The following ONECUT3 variants were observed in gnomAD, a reference collection of about 807,000 sequenced individuals.
The protein encoded by ONECUT3 is one cut domain family member 3.
ONECUT3 carries 11 observed loss-of-function variants against 16.8 expected under a neutral mutation model. That is an observed-to-expected ratio of 0.66 (90% CI 0.41 to 1.09). ONECUT3 has a LOEUF of 1.09. Ranked by LOEUF, ONECUT3 falls within the 50% of genes least tolerant of loss-of-function variation. ONECUT3 has a pLI of 0.00. For synonymous variants in ONECUT3, 344 were observed against 310.7 expected, an observed-to-expected ratio of 1.11 and a Z score of -1.13; for missense variants, 637 against 629.9, an observed-to-expected ratio of 1.01 and a Z score of -0.12.
intron 1 of ONECUT3, among the ~76,000 whole-genome samples, chr19:1,757,705 G>A (rs1269176742): frequency 6.6e-6 from 1 of 152,234 alleles, no homozygotes; most frequent in Non-Finnish European, 1.5e-5. Flanking sequence ...AGGGCCGCGG[G>A]GTCACTAGGC....
chr19:1,759,173 C>T lies in ONECUT3; in HGVS notation c.1192+4319C>T, dbSNP rs1222228947. Among the ~76,000 whole-genome samples the T allele has an allele frequency of 6.6e-6, 1 of 152,094 alleles. No homozygotes were observed. Reference sequence around the variant, plus strand: ...CCAGAGCTGTGTATGGAGTTGCATGCTGAGGGCAGCTGGTGCAGGAATTGG... The same window carrying T: ...CCAGAGCTGTGTATGGAGTTGCATGTTGAGGGCAGCTGGTGCAGGAATTGG... On this transcript the variant is annotated intron_variant, in intron 1 of 1. Coordinates refer to ENST00000382349, the MANE Select transcript of ONECUT3 (RefSeq NM_001080488.2). This position sits in a 1 kb window ranked among gnomAD's most constrained non-coding sequence, Gnocchi z 4.1.
intron 1 of ONECUT3, among the ~76,000 whole-genome samples, chr19:1,774,237 C>T (rs1462589253): frequency 6.6e-6 from 1 of 151,982 alleles, no homozygotes; most frequent in Non-Finnish European, 1.5e-5. Context: ...TCACAGGGTC[C>T]CTAAGGGTAT....
Position 1,769,847 on chromosome 19 carries a change from G to A in ONECUT3, c.1193-5306G>A, listed in dbSNP as rs368600985. On this transcript the variant is annotated intron_variant, in intron 1 of 1. Coordinates refer to ENST00000382349, the MANE Select transcript of ONECUT3 (RefSeq NM_001080488.2). ...CTCTTTTTGCTGCAATCGACAAAAC[G>A]GGAAGTTTTTTCAGACTCTGCCTGG... Among the ~76,000 whole-genome samples the A allele has an allele frequency of 3.9e-5, 6 of 152,094 alleles. No individual in the cohort carries two copies. In the East Asian group the frequency reaches 9.6e-4, roughly 24 times the overall value.
intron 1 of ONECUT3, among the ~76,000 whole-genome samples, chr19:1,757,589 G>A (rs1190722236): frequency 3.3e-5 from 5 of 151,950 alleles, no homozygotes; most frequent in East Asian, 1.9e-4. Flanking sequence ...CCCCGCGGCC[G>A]CGGGGTTCAC....
At chr19:1,763,815 C>T (rs1179086545) in intron 1 of ONECUT3, among the ~76,000 whole-genome samples, 3 of 150,948 alleles carry the variant, frequency 2.0e-5, no homozygotes, top group Non-Finnish European at 4.4e-5. Context: ...AAGCGCGCAT[C>T]CTGGTCATTT....
Position 1,779,104 on chromosome 19 carries a change from C to T in ONECUT3, c.*3659C>T, listed in dbSNP as rs979618954. ...CAGCACAATTCCTTCGAGCCTTTGA[C>T]AATTTTCTCTGAAATACCTCAAAAT... On this transcript the variant is annotated 3_prime_UTR_variant, in exon 2 of 2. Transcript: ENST00000382349. 9.9e-5 allele frequency: 15 copies of T among 152,060 alleles called. No homozygotes were observed. Among genetic ancestry groups the T allele is most frequent in the African/African-American group, 3.1e-4 (13 of 41,396 alleles). The allele number at this position is 152,060 out of a possible 1,614,324, so 9.4% of individuals were successfully genotyped here. A position where few individuals can be genotyped will look rare whatever the true frequency, so the allele number is the denominator to read the frequency against.
intron 1 of ONECUT3, among the ~76,000 whole-genome samples, chr19:1,769,809 G>T (rs1043326445): frequency 6.6e-6 from 1 of 152,106 alleles, no homozygotes; most frequent in Admixed American, 6.5e-5. Flanking sequence ...GCCGGGAAGG[G>T]GGGCAGCAGA....
Position 1,761,373 on chromosome 19 carries a change from G to A in ONECUT3, c.1192+6519G>A, listed in dbSNP as rs142080218. Among the ~76,000 whole-genome samples, 853 of 152,174 alleles carry A rather than the reference G, an allele frequency of 5.6e-3. 14 individuals carry two copies. Among genetic ancestry groups the A allele is most frequent in the African/African-American group, 0.019 (809 of 41,516 alleles). Reference sequence around the variant, plus strand: ...CAGCCTTCTCCTCCTTCTCACTGCCGTCTCCCCCACATCCTAAGGGAGCTT... The same window carrying A: ...CAGCCTTCTCCTCCTTCTCACTGCCATCTCCCCCACATCCTAAGGGAGCTT... On this transcript the variant is annotated intron_variant, in intron 1 of 1. Transcript: ENST00000382349.
In ONECUT3 at chr19:1,754,608, G is replaced by A. The variant is rs1285365580; in HGVS notation, c.946G>A (p.Ala316Thr). Residue 316 changes from alanine to threonine, a missense_variant, in exon 1 of 2, where the codon GCA becomes ACA. By Grantham distance (58) the Ala-to-Thr change is moderately conservative. Transcript: ENST00000382349. This position sits in a 1 kb window ranked among gnomAD's most constrained non-coding sequence, Gnocchi z 7.4. ...GAGCGGCGGCGGCCCCAGCGCGGGC[G>A]CAGCGGCCGAGGAGATCAACACCAA... Reference protein sequence around the residue: ...GGSGGGPSAGAAAEEINTKEV... With the variant: ...GGSGGGPSAGTAAEEINTKEV... 20 of 1,374,902 alleles carry A rather than the reference G, an allele frequency of 1.5e-5. No homozygotes were observed. Among genetic ancestry groups the A allele is most frequent in the East Asian group, 1.3e-4 (4 of 31,492 alleles). 85.2% of individuals were successfully genotyped at this position (1,374,902 alleles called of 1,614,324 possible).
intron 1 of ONECUT3, among the ~76,000 whole-genome samples, chr19:1,768,479 C>T (rs922675458): frequency 2.6e-5 from 4 of 152,136 alleles, no homozygotes; most frequent in African/African-American, 9.7e-5. Flanking sequence ...GGCGCACTGT[C>T]TTTACAAAGG....
chr19:1,753,540 C>T lies in ONECUT3; in HGVS notation c.-123C>T, dbSNP rs1236883284. On this transcript the variant is annotated 5_prime_UTR_variant, in exon 1 of 2. Transcript: ENST00000382349. ...TGGCCGCGCTCGCAGCCGGGCCGGG[C>T]CGTGCGCCGCGCAGCCTGGCAGCCT... 27 of 287,178 alleles carry T rather than the reference C, an allele frequency of 9.4e-5. No individual in the cohort carries two copies. The highest frequency in any genetic ancestry group is 1.6e-3 in the Middle Eastern group (1 of 630). The allele number at this position is 287,178 out of a possible 1,614,324, so 17.8% of individuals were successfully genotyped here.
rs1049154681 is a variant in ONECUT3 at position 1,777,241 on chromosome 19, C to T, written c.*1796C>T. On this transcript the variant is annotated 3_prime_UTR_variant, in exon 2 of 2. Transcript: ENST00000382349. ...GGGGGTTCCCAATAGTAGAAAGGGT[C>T]CCCATTCCTGCTCAGCACCGCACCT... 2 of 152,306 alleles carry T rather than the reference C, an allele frequency of 1.3e-5. No homozygotes were observed. Among genetic ancestry groups the T allele is most frequent in the African/African-American group, 2.4e-5 (1 of 41,434 alleles). The allele number at this position is 152,306 out of a possible 1,614,324, so 9.4% of individuals were successfully genotyped here.
At chr19:1,771,373 G>A (rs1174841118) in intron 1 of ONECUT3, among the ~76,000 whole-genome samples, 1 of 152,166 alleles carries the variant, frequency 6.6e-6, no homozygotes, top group Non-Finnish European at 1.5e-5. Flanking sequence ...CTGAGAAAGG[G>A]TATGTGGGAA....
In ONECUT3 at chr19:1,759,330, T is replaced by A. The variant is rs2067933961; in HGVS notation, c.1192+4476T>A. Among the ~76,000 whole-genome samples the A allele has an allele frequency of 6.6e-6, 1 of 151,652 alleles. No individual in the cohort carries two copies. Among genetic ancestry groups the A allele is most frequent in the African/African-American group, 2.4e-5 (1 of 41,200 alleles). ...TCATACAGGCCCTCCCTCCCCGGCT[T>A]CTCCCCCCTACCCGCTGCCACCATC... On this transcript the variant is annotated intron_variant, in intron 1 of 1. Transcript: ENST00000382349. This position sits in a 1 kb window ranked among gnomAD's most constrained non-coding sequence, Gnocchi z 4.1.
At position 1,763,684 on chromosome 19, in the gene ONECUT3, T is replaced by G. The variant is rs2067960080; in HGVS notation, c.1192+8830T>G. Among the ~76,000 whole-genome samples the G allele has an allele frequency of 2.0e-5, 3 of 151,922 alleles. No homozygotes were observed. The South Asian group carries it at 6.2e-4, about 32-fold the overall frequency. ...AATCACAGTCTGTATTTCTCCTTCT[T>G]GCAAAAGGCTGCGCTCCAGGGATAA... On this transcript the variant is annotated intron_variant, in intron 1 of 1. Coordinates refer to ENST00000382349, the MANE Select transcript of ONECUT3 (RefSeq NM_001080488.2).
chr19:1,759,974 C>A lies in ONECUT3; in HGVS notation c.1192+5120C>A, dbSNP rs1002828105. 1.8e-4 allele frequency among the ~76,000 whole-genome samples: 27 copies of A among 152,210 alleles called. No individual in the cohort carries two copies. Among genetic ancestry groups the A allele is most frequent in the African/African-American group, 6.5e-4 (27 of 41,456 alleles). On this transcript the variant is annotated intron_variant, in intron 1 of 1. Transcript: ENST00000382349. The surrounding 1 kb of genome is among the most constrained non-coding windows in gnomAD (Gnocchi z 4.1). ...CAAAACTTCAGGGCCCGGGGAGGAG[C>A]AGCCCTAGCTAGGGACCTGGGCCAG... is the stretch of plus-strand genomic sequence containing the variant.
rs928538954 is a variant in ONECUT3 at position 1,766,141 on chromosome 19, G to C, written c.1193-9012G>C. Among the ~76,000 whole-genome samples the C allele has an allele frequency of 1.3e-5, 2 of 152,250 alleles. No homozygotes were observed. Among genetic ancestry groups the C allele is most frequent in the Non-Finnish European group, 2.9e-5 (2 of 68,044 alleles). ...CTTGGGTGGGGTTTGGATGTGCAAG[G>C]CTGCCGACCCCCATCGTGGTTGAGC... On this transcript the variant is annotated intron_variant, in intron 1 of 1. Coordinates refer to ENST00000382349, the MANE Select transcript of ONECUT3 (RefSeq NM_001080488.2). The surrounding 1 kb of genome is among the most constrained non-coding windows in gnomAD (Gnocchi z 4.0).
rs1438354580 is a variant in ONECUT3, at chr19:1,779,426, A to G, written c.*3981A>G. 2.0e-5 allele frequency: 3 copies of G among 151,994 alleles called. No individual in the cohort carries two copies. Among genetic ancestry groups the G allele is most frequent in the Admixed American group, 6.6e-5 (1 of 15,254 alleles). The allele number at this position is 151,994 out of a possible 1,614,324, so 9.4% of individuals were successfully genotyped here. A position where few individuals can be genotyped will look rare whatever the true frequency, so the allele number is the denominator to read the frequency against. On this transcript the variant is annotated 3_prime_UTR_variant, in exon 2 of 2. Transcript: ENST00000382349. ...GAGAGAGAGCGAGCGCAAGAGAGAG[A>G]GAGAGGGAGAGAGAGGGAGAGGGAG...
In ONECUT3 at chr19:1,754,130, G is replaced by A; in HGVS notation, c.468G>A (p.Pro156=). The change falls in exon 1 of 2, where the codon CCG becomes CCA. Residue 156 remains proline, a synonymous_variant. Transcript: ENST00000382349. The surrounding 1 kb of genome is among the most constrained non-coding windows in gnomAD (Gnocchi z 7.4). ...CGGCCGCGCCGCCCCCGCCACCCCC[G>A]CCGCAGCGTCTGGCGGCCAGCGTGA... ...HPAAAPPPPP[P]PQRLAASVSG... is the part of the protein sequence containing the mutation. The A allele has an allele frequency of 1.1e-6, 1 of 913,680 alleles. No individual in the cohort carries two copies. Among genetic ancestry groups the A allele is most frequent in the Non-Finnish European group, 1.3e-6 (1 of 772,274 alleles). The allele number at this position is 913,680 out of a possible 1,614,324, so 56.6% of individuals were successfully genotyped here. A position where few individuals can be genotyped will look rare whatever the true frequency, so the allele number is the denominator to read the frequency against.
Sources: gnomAD v4.1 joint callset for allele counts (sites outside exome capture counted in the v4.1 genomes callset) on GRCh38, gnomAD v4.1.1 for gene constraint, Gnocchi (gnomAD v3.1) non-coding constraint, MANE v1.5 for transcripts, NCBI Gene and HGNC (gene_info 2026-07-23, HGNC 2026-07-21) for gene names.